WFDC1: variants seen among roughly 807,000 people sequenced by gnomAD.
WFDC1 encodes WAP four-disulfide core domain 1.
WFDC1 carries 39 observed loss-of-function variants against 32.9 expected under a neutral mutation model. The observed-to-expected ratio is 1.19, with a 90% CI of 0.92 to 1.55. WFDC1 has a LOEUF of 1.55. Among genes scored for constraint, WFDC1 ranks in the 40% most tolerant of loss-of-function variants. The pLI is 0.00. For synonymous variants in WFDC1, 184 were observed against 137.4 expected (o/e 1.34, Z -2.37); for missense variants, 386 against 309.5 (o/e 1.25, Z -1.85).
chr16:84,310,868 C>T (rs989788056), intron 1 of WFDC1, among the ~76,000 whole-genome samples: 2 of 152,126 alleles, frequency 1.3e-5, no homozygotes, highest in Non-Finnish European at 2.9e-5. Context: ...TGCAGATATG[C>T]CCTATGTACT....
At chr16:84,324,564 A>T in intron 5 of WFDC1, 104 bp downstream of exon 5, 1 of 1,304,820 alleles carries the variant, frequency 7.7e-7, no homozygotes, top group Non-Finnish European at 1.1e-6. Context: ...AGATATAGGG[A>T]ACAAAATGGG....
In WFDC1 at chr16:84,313,854, C is replaced by T. The variant is rs547290305; in HGVS notation, c.337+701C>T. On this transcript the variant is annotated intron_variant, in intron 2 of 6. Coordinates refer to ENST00000219454, the MANE Select transcript of WFDC1 (RefSeq NM_021197.4). ...GTCAGGAGTTCAAGACCAGTCTGGG[C>T]AACATGCTGAAACCCCGTCTCTACT... 2.6e-5 allele frequency among the ~76,000 whole-genome samples: 4 copies of T among 152,248 alleles called. No homozygotes were observed. The East Asian group carries it at 5.8e-4, about 22-fold the overall frequency.
At chr16:84,299,559 A>G (rs756405852) in intron 1 of WFDC1, among the ~76,000 whole-genome samples, 2 of 152,210 alleles carry the variant, frequency 1.3e-5, no homozygotes, top group Non-Finnish European at 2.9e-5. Context: ...TCCTGAGAAC[A>G]ATGATTTACT....
chr16:84,326,979 C>A, intron 6 of WFDC1, 24 bp downstream of exon 6: 2 of 1,612,332 alleles, frequency 1.2e-6, no homozygotes, highest in Non-Finnish European at 1.7e-6. Context: ...GAGCAAGAGT[C>A]ATGGCCAGGG....
intron 1 of WFDC1, among the ~76,000 whole-genome samples, chr16:84,307,999 T>G (rs1204465943): frequency 1.3e-5 from 2 of 152,178 alleles, no homozygotes; most frequent in African/African-American, 4.8e-5. Flanking sequence ...TTCACCTCCT[T>G]AAGGCCTCGT....
chr16:84,324,961 A>C (rs547544450), intron 5 of WFDC1, among the ~76,000 whole-genome samples: 1 of 151,224 alleles, frequency 6.6e-6, no homozygotes, highest in Non-Finnish European at 1.5e-5. Flanking sequence ...TCATCCATTC[A>C]TTCCTCTATC....
chr16:84,309,225 G>A (rs533861550), intron 1 of WFDC1, among the ~76,000 whole-genome samples: 1 of 152,066 alleles, frequency 6.6e-6, no homozygotes, highest in Non-Finnish European at 1.5e-5. Context: ...GGAGGGTCGG[G>A]GCGATGAGAT....
chr16:84,313,047 CT>C lies in WFDC1; in HGVS notation c.232del (p.Cys78AlafsTer28). 7.2e-7 allele frequency: 1 copy of C among 1,380,034 alleles called. No homozygotes were observed. Among genetic ancestry groups the C allele is most frequent in the Non-Finnish European group, 9.4e-7 (1 of 1,068,572 alleles). 85.5% of individuals were successfully genotyped at this position (1,380,034 alleles called of 1,614,324 possible). A position where few individuals can be genotyped will look rare whatever the true frequency, so the allele number is the denominator to read the frequency against. ...CTCCGCGGACGCTGCCCCCCGGCGC[CT>C]GCCAGGCCGCGCGCTGTCAGGCGGA... ...PPPRTLPPGA[C>X]QAARCQADSE... On this transcript the variant is annotated frameshift_variant, in exon 2 of 7. Coordinates refer to ENST00000219454, the MANE Select transcript of WFDC1 (RefSeq NM_021197.4). LOFTEE classifies it high-confidence loss of function.
rs756224386 is a variant in WFDC1 at position 84,313,107 on chromosome 16, C to A, written c.291C>A (p.Tyr97Ter). 1.4e-6 allele frequency: 2 copies of A among 1,441,932 alleles called. No homozygotes were observed. Among genetic ancestry groups the A allele is most frequent in the Non-Finnish European group, 1.8e-6 (2 of 1,104,868 alleles). 89.3% of individuals were successfully genotyped at this position (1,441,932 alleles called of 1,614,324 possible). ...GCCCGCGGCACCGGCGCTGCTGCTA[C>A]AACGGATGCGCCTACGCCTGCCTAG... is the stretch of plus-strand genomic sequence containing the variant. ...SECPRHRRCC[Y>*]NGCAYACLEA... Residue 97 changes from tyrosine (Y) to a stop codon, truncating the protein, a stop_gained, in exon 2 of 7, where the codon TAC (tyrosine) becomes TAA (stop). Transcript: ENST00000219454. LOFTEE classifies it high-confidence loss of function.
At chr16:84,303,552 G>A (rs1252487763) in intron 1 of WFDC1, among the ~76,000 whole-genome samples, 2 of 151,914 alleles carry the variant, frequency 1.3e-5, no homozygotes, top group Admixed American at 6.6e-5. Context: ...CCTCCAAGAT[G>A]TAAACTCTGG....
At chr16:84,308,152 G>A (rs577981418) in intron 1 of WFDC1, among the ~76,000 whole-genome samples, 19 of 152,206 alleles carry the variant, frequency 1.2e-4, no homozygotes, top group South Asian at 2.1e-4. Context: ...CTTTCCTGCC[G>A]CACCACCCCC....
chr16:84,315,202 T>C (rs928442328), intron 2 of WFDC1, among the ~76,000 whole-genome samples: 2 of 152,178 alleles, frequency 1.3e-5, no homozygotes, highest in African/African-American at 2.4e-5. Context: ...ATGGCTCACT[T>C]CCTTGCCTCC....
At chr16:84,304,832 GC>G (rs747307520) in intron 1 of WFDC1, among the ~76,000 whole-genome samples, 2 of 152,174 alleles carry the variant, frequency 1.3e-5, no homozygotes, top group East Asian at 1.9e-4. Context: ...GTACCTGGGG[GC>G]CCCCATTTTG....
Position 84,295,123 on chromosome 16 carries a change from C to T in WFDC1, c.144+8C>T. On this transcript the variant is annotated splice_region_variant and intron_variant, in intron 1 of 6. Coordinates refer to ENST00000219454, the MANE Select transcript of WFDC1 (RefSeq NM_021197.4). ...CTGGCCGAGAAATCCCGTGTAAGTG[C>T]CTGGGATGGGGAGGCTGGGGCAGCC... is the stretch of plus-strand genomic sequence containing the variant. The T allele has an allele frequency of 3.7e-6, 6 of 1,613,168 alleles. No individual in the cohort carries two copies. The highest frequency in any genetic ancestry group is 4.2e-6 in the Non-Finnish European group (5 of 1,179,510).
At chr16:84,319,267 G>T in intron 3 of WFDC1, 164 bp from the exon 4 acceptor site, 2 of 886,510 alleles carry the variant, frequency 2.3e-6, no homozygotes, top group South Asian at 3.6e-5. Context: ...GCCGCTGAGT[G>T]AGACCCAGGG....
At position 84,329,454 on chromosome 16, in the gene WFDC1, C is replaced by T. The variant is rs1464161239; in HGVS notation, c.*148C>T. On this transcript the variant is annotated 3_prime_UTR_variant, in exon 7 of 7. Coordinates refer to ENST00000219454, the MANE Select transcript of WFDC1 (RefSeq NM_021197.4). ...AGATGCTTAGAGACAGGACACCTGG[C>T]CATCAAACCCAGTTTGGCCCAGCCT... The T allele has an allele frequency of 6.6e-6, 1 of 152,118 alleles. No homozygotes were observed. Among genetic ancestry groups the T allele is most frequent in the African/African-American group, 2.4e-5 (1 of 41,412 alleles). The allele number at this position is 152,118 out of a possible 1,614,324, so 9.4% of individuals were successfully genotyped here.
At chr16:84,319,641 C>G (rs1004511845) in intron 4 of WFDC1, 70 bp downstream of exon 4, 3 of 1,560,050 alleles carry the variant, frequency 1.9e-6, no homozygotes, top group African/African-American at 2.7e-5. Context: ...GCGCCTCTCA[C>G]CCGCATGGAC....
At chr16:84,296,370 T>G (rs1473870014) in intron 1 of WFDC1, among the ~76,000 whole-genome samples, 1 of 152,200 alleles carries the variant, frequency 6.6e-6, no homozygotes, top group Non-Finnish European at 1.5e-5. Flanking sequence ...TGCCTGCCAT[T>G]AAGTTGACGC....
At chr16:84,319,640 A>C in intron 4 of WFDC1, 69 bp downstream of exon 4, 18 of 1,557,346 alleles carry the variant, frequency 1.2e-5, no homozygotes, top group Non-Finnish European at 1.5e-5. Flanking sequence ...AGCGCCTCTC[A>C]CCCGCATGGA....
Sources: allele counts gnomAD v4.1 joint callset (sites outside exome capture counted in the v4.1 genomes callset), GRCh38; gene constraint gnomAD v4.1.1; transcripts MANE v1.5; gene names NCBI Gene and HGNC (gene_info 2026-07-23, HGNC 2026-07-21).